CNTN3: variants seen among roughly 807,000 people sequenced by gnomAD.
CNTN3 encodes contactin 3, also known as contactin-3.
Under a neutral mutation model 119.1 loss-of-function variants are expected in CNTN3, and 60 were observed. The observed-to-expected ratio is 0.50, with a 90% confidence interval of 0.41 to 0.62. The LOEUF (loss-of-function observed/expected upper bound fraction) is 0.62, where lower values mean the gene tolerates loss of function less well. Among genes scored for constraint, CNTN3 ranks in the 20% least tolerant of loss-of-function variants. The pLI is 0.00. For synonymous variants in CNTN3, 450 were observed against 438.7 expected (o/e 1.03, Z -0.32); for missense variants, 1,101 against 1,242.4 (o/e 0.89, Z 1.71).
At chr3:74,520,206 C>CTTTTTTTTTTTTTGAG (rs1559643804) in intron 2 of CNTN3, among the ~76,000 whole-genome samples, 1 of 150,756 alleles carries the variant, frequency 6.6e-6, no homozygotes, top group African/African-American at 2.4e-5. Context: ...GACTTACTTT[C>CTTTTTTTTTTTTTGAG]AAATGGGTTA....
intron 1 of CNTN3, among the ~76,000 whole-genome samples, chr3:74,555,047 GT>G (rs970319415): frequency 2.0e-4 from 31 of 152,134 alleles, no homozygotes; most frequent in Middle Eastern, 3.2e-3. Context: ...CTGGTTGTGG[GT>G]TTGTCATAAA....
chr3:74,428,371 T>A (rs577341778), intron 4 of CNTN3, among the ~76,000 whole-genome samples: 1 of 152,262 alleles, frequency 6.6e-6, no homozygotes, highest in East Asian at 1.9e-4. Context: ...ATGCATGTTA[T>A]TGCCCCTGAA....
chr3:74,429,244 C>T (rs1425836623), intron 4 of CNTN3, among the ~76,000 whole-genome samples: 2 of 151,586 alleles, frequency 1.3e-5, no homozygotes, highest in Non-Finnish European at 2.9e-5. Flanking sequence ...GTAAAACTAT[C>T]TAGACTAAAA....
chr3:74,323,027 T>C (rs1180086198), intron 13 of CNTN3, among the ~76,000 whole-genome samples: 2 of 152,204 alleles, frequency 1.3e-5, no homozygotes, highest in Non-Finnish European at 2.9e-5. Flanking sequence ...CAGAGGATTT[T>C]TAGGGCGGTG....
chr3:74,303,558 T>C (rs918484048), intron 13 of CNTN3, among the ~76,000 whole-genome samples: 1 of 152,034 alleles, frequency 6.6e-6, no homozygotes, highest in Non-Finnish European at 1.5e-5. Context: ...CTGGGTGTGG[T>C]GGCGTGCCCC....
chr3:74,466,151 C>T (rs916219226), intron 4 of CNTN3, among the ~76,000 whole-genome samples: 1 of 152,070 alleles, frequency 6.6e-6, no homozygotes, highest in African/African-American at 2.4e-5. Flanking sequence ...AGGAGAGAAA[C>T]ATGGAGAAAA....
At chr3:74,558,985 T>TAATAATAATAATAAC (rs1156865787) in intron 1 of CNTN3, among the ~76,000 whole-genome samples, 1 of 147,958 alleles carries the variant, frequency 6.8e-6, no homozygotes, top group Non-Finnish European at 1.5e-5. Context: ...CCTGTCTCAA[T>TAATAATAATAATAAC]AATAATAATA....
intron 4 of CNTN3, among the ~76,000 whole-genome samples, chr3:74,475,774 C>T (rs1198562882): frequency 2.6e-5 from 4 of 152,114 alleles, no homozygotes; most frequent in African/African-American, 9.7e-5. Context: ...TTTGTGACCC[C>T]AAAATCAGTA....
intron 4 of CNTN3, among the ~76,000 whole-genome samples, chr3:74,440,205 C>A (rs1701938304): frequency 6.6e-6 from 1 of 152,136 alleles, no homozygotes; most frequent in Non-Finnish European, 1.5e-5. Flanking sequence ...GTAAGCTTCA[C>A]AAAACCATGG....
intron 4 of CNTN3, among the ~76,000 whole-genome samples, chr3:74,466,881 CTT>C (rs890995945): frequency 1.1e-4 from 17 of 152,124 alleles, no homozygotes; most frequent in Admixed American, 3.3e-4. Context: ...GAAATAAAAA[CTT>C]AGTGGGAAAT....
chr3:74,286,058 C>G (rs1490024434), intron 19 of CNTN3, among the ~76,000 whole-genome samples: 3 of 151,870 alleles, frequency 2.0e-5, no homozygotes, highest in Non-Finnish European at 4.4e-5. Flanking sequence ...AAAGAACAGA[C>G]TATCTCTATG....
chr3:74,383,532 C>G (rs1291239268), intron 5 of CNTN3, among the ~76,000 whole-genome samples: 3 of 152,134 alleles, frequency 2.0e-5, no homozygotes, highest in Admixed American at 1.3e-4. Flanking sequence ...GTTGCCCAGG[C>G]AGGAGTGTGA....
intron 5 of CNTN3, among the ~76,000 whole-genome samples, chr3:74,386,134 A>G (rs1704739518): frequency 6.6e-6 from 1 of 152,192 alleles, no homozygotes; most frequent in South Asian, 2.1e-4. Flanking sequence ...CTGAACCACT[A>G]CACAAAGCTG....
At chr3:74,599,035 G>T (rs900709239) in intron 1 of CNTN3, among the ~76,000 whole-genome samples, 1 of 152,066 alleles carries the variant, frequency 6.6e-6, no homozygotes, top group Admixed American at 6.6e-5. Flanking sequence ...CTCATTTGTT[G>T]TAAGGACTGA....
intron 20 of CNTN3, among the ~76,000 whole-genome samples, chr3:74,270,563 G>A (rs2106749468): frequency 6.6e-6 from 1 of 152,180 alleles, no homozygotes; most frequent in East Asian, 1.9e-4. Flanking sequence ...ATCTGACATA[G>A]CTATTAACCA....
At chr3:74,349,101 A>G (rs1159249376) in intron 11 of CNTN3, among the ~76,000 whole-genome samples, 1 of 152,014 alleles carries the variant, frequency 6.6e-6, no homozygotes, top group Non-Finnish European at 1.5e-5. Flanking sequence ...AAAAAAAAAA[A>G]AGTTTTAGAG....
chr3:74,565,300 T>C (rs1349810019), intron 1 of CNTN3, among the ~76,000 whole-genome samples: 1 of 152,176 alleles, frequency 6.6e-6, no homozygotes, highest in African/African-American at 2.4e-5. Flanking sequence ...TTCCAGGTTA[T>C]AGAGGCTGAC....
At chr3:74,396,039 T>C (rs954471837) in intron 5 of CNTN3, among the ~76,000 whole-genome samples, 6 of 152,204 alleles carry the variant, frequency 3.9e-5, no homozygotes, top group Non-Finnish European at 8.8e-5. Context: ...CTGATTACTC[T>C]ACTAACTGGT....
chr3:74,270,127 A>G (rs1054610282), intron 20 of CNTN3, among the ~76,000 whole-genome samples: 2 of 152,180 alleles, frequency 1.3e-5, no homozygotes, highest in African/African-American at 4.8e-5. Context: ...TGAGAGGATT[A>G]TGCTTCTCTG....
Sources: allele counts gnomAD v4.1 joint callset (sites outside exome capture counted in the v4.1 genomes callset), GRCh38; gene constraint gnomAD v4.1.1; transcripts MANE v1.5; gene names NCBI Gene and HGNC (gene_info 2026-07-23, HGNC 2026-07-21).